Variants in PPP1R16B observed in about 807,000 individuals in gnomAD.
PPP1R16B encodes the protein protein phosphatase 1 regulatory inhibitor subunit 16B.
In PPP1R16B, 14 loss-of-function variants were observed where a neutral mutation model predicts 61.7. The ratio of observed to expected loss-of-function variants is 0.23; its 90% CI spans 0.15 to 0.35. The LOEUF is 0.35. Ranked by LOEUF, PPP1R16B falls within the 10% of genes least tolerant of loss-of-function variation. PPP1R16B has a pLI of 1.00. For missense variants in PPP1R16B, 547 were observed against 752.5 expected (o/e 0.73, Z 3.19); for synonymous variants, 266 against 305.3 (o/e 0.87, Z 1.34).
At chr20:38,894,588 C>T (rs930304440) in intron 3 of PPP1R16B, among the ~76,000 whole-genome samples, 9 of 152,242 alleles carry the variant, frequency 5.9e-5, no homozygotes, top group Admixed American at 3.9e-4. Flanking sequence ...GCACTGATGA[C>T]CAAGCCCCAA....
chr20:38,912,246 C>G (rs180738880), intron 10 of PPP1R16B, among the ~76,000 whole-genome samples: 280 of 152,044 alleles, frequency 1.8e-3, no homozygotes, highest in African/African-American at 6.4e-3. Context: ...ATTACAGGCA[C>G]CTGCCACCAT....
chr20:38,870,051 G>A (rs1378496857), intron 2 of PPP1R16B, among the ~76,000 whole-genome samples: 1 of 152,068 alleles, frequency 6.6e-6, no homozygotes, highest in Non-Finnish European at 1.5e-5. Flanking sequence ...AGCCTCCTGA[G>A]TAGCTGGGAT....
intron 1 of PPP1R16B, among the ~76,000 whole-genome samples, chr20:38,821,363 C>A (rs1284319485): frequency 6.6e-6 from 1 of 152,172 alleles, no homozygotes; most frequent in Non-Finnish European, 1.5e-5. Context: ...GCAAATGGCT[C>A]CACCAGAAGT....
chr20:38,900,676 C>T lies in PPP1R16B; in HGVS notation c.563C>T (p.Ala188Val). Reference sequence around the variant, plus strand: ...CTGGATGTCATCGAGACCTGCATGGCATACCAGGGTAAGGGAGGGCAGCCT... The same window carrying T: ...CTGGATGTCATCGAGACCTGCATGGTATACCAGGGTAAGGGAGGGCAGCCT... ...PTLDVIETCM[A>V]YQGITQEKIN... Residue 188 changes from alanine (A) to valine (V), a missense_variant, in exon 5 of 11, where the codon GCA becomes GTA. By Grantham distance (64) the Ala-to-Val change is moderately conservative. Transcript: ENST00000299824. 1.3e-6 allele frequency: 2 copies of T among 1,582,988 alleles called. No homozygotes were observed. Among genetic ancestry groups the T allele is most frequent in the Non-Finnish European group, 1.7e-6 (2 of 1,167,756 alleles).
Position 38,908,116 on chromosome 20 carries a change from G to A in PPP1R16B, c.1117G>A (p.Ala373Thr). The stretch of plus-strand genomic sequence containing the variant: ...AGAGGCCATCCTGTGGCAGCGGAGT[G>A]CAGCTGAGGATCAGCGGACCTCCAC... The part of the protein sequence containing the change: ...EGEAILWQRS[A>T]AEDQRTSTYN... Residue 373 changes from alanine (A) to threonine (T), a missense_variant, in exon 10 of 11, where the codon GCA becomes ACA. Ala to Thr is a moderately conservative substitution (Grantham distance 58, BLOSUM62 0). Coordinates refer to ENST00000299824, the MANE Select transcript of PPP1R16B (RefSeq NM_015568.4). The A allele has an allele frequency of 6.2e-7, 1 of 1,614,252 alleles. No homozygotes were observed. The highest frequency in any genetic ancestry group is 8.5e-7 in the Non-Finnish European group (1 of 1,180,038).
At chr20:38,886,673 G>A (rs2085247563) in intron 2 of PPP1R16B, among the ~76,000 whole-genome samples, 1 of 152,254 alleles carries the variant, frequency 6.6e-6, no homozygotes, top group Admixed American at 6.5e-5. Flanking sequence ...GTCTGTAGGA[G>A]ATGCCTGCGA....
chr20:38,902,981 G>A (rs2085408915), intron 6 of PPP1R16B, among the ~76,000 whole-genome samples, 189 bp downstream of exon 6: 2 of 152,206 alleles, frequency 1.3e-5, no homozygotes, highest in Non-Finnish European at 2.9e-5. Context: ...TTGAGAACCT[G>A]GCCTCTCTCT....
At chr20:38,891,914 A>C (rs542542222) in intron 3 of PPP1R16B, among the ~76,000 whole-genome samples, 1 of 152,290 alleles carries the variant, frequency 6.6e-6, no homozygotes, top group East Asian at 1.9e-4. Flanking sequence ...TCTGCAGTGC[A>C]CAGTACAATA....
intron 10 of PPP1R16B, among the ~76,000 whole-genome samples, chr20:38,911,763 C>T (rs1390789191): frequency 1.3e-5 from 2 of 151,994 alleles, no homozygotes; most frequent in African/African-American, 4.8e-5. Context: ...TCTTGAATTC[C>T]TGACCTCAAA....
chr20:38,850,646 T>C (rs1045393362), intron 2 of PPP1R16B, among the ~76,000 whole-genome samples: 1 of 152,200 alleles, frequency 6.6e-6, no homozygotes, highest in Non-Finnish European at 1.5e-5. Flanking sequence ...AACACAGTCA[T>C]AGGCCATTAT....
At chr20:38,874,030 G>T (rs1233733474) in intron 2 of PPP1R16B, among the ~76,000 whole-genome samples, 1 of 152,152 alleles carries the variant, frequency 6.6e-6, no homozygotes, top group African/African-American at 2.4e-5. Context: ...TGCCTGGCCA[G>T]CTGAAACATC....
chr20:38,913,081 G>C (rs2085505358), intron 10 of PPP1R16B, among the ~76,000 whole-genome samples: 1 of 151,732 alleles, frequency 6.6e-6, no homozygotes, highest in Non-Finnish European at 1.5e-5. Context: ...ATGTTGGCCA[G>C]GCTGGTCTCG....
chr20:38,821,215 T>C (rs951965556), intron 1 of PPP1R16B, among the ~76,000 whole-genome samples: 1 of 152,198 alleles, frequency 6.6e-6, no homozygotes, highest in Admixed American at 6.5e-5. Context: ...GTTGTAATGG[T>C]GAGTGCCTCC....
At chr20:38,912,096 CTT>C (rs35770847) in intron 10 of PPP1R16B, among the ~76,000 whole-genome samples, 1,508 of 127,338 alleles carry the variant, frequency 0.012, 19 homozygotes, top group African/African-American at 0.042. Flanking sequence ...TATAGTCAGT[CTT>C]TTTTTTTTTT....
chr20:38,832,569 G>A (rs992331936), intron 1 of PPP1R16B, among the ~76,000 whole-genome samples: 1 of 152,196 alleles, frequency 6.6e-6, no homozygotes, highest in Admixed American at 6.5e-5. Flanking sequence ...ACACATTGCT[G>A]GAGGGTATGA....
intron 2 of PPP1R16B, among the ~76,000 whole-genome samples, chr20:38,842,266 G>C (rs957341838): frequency 6.6e-6 from 1 of 152,168 alleles, no homozygotes; most frequent in African/African-American, 2.4e-5. Flanking sequence ...GTTTGTTTTG[G>C]CCTTAGGCAT....
chr20:38,806,643 C>T lies in PPP1R16B; in HGVS notation c.-102+851C>T, dbSNP rs973216943. Among the ~76,000 whole-genome samples, 2 of 152,272 alleles carry T rather than the reference C, an allele frequency of 1.3e-5. No homozygotes were observed. Reference sequence around the variant, plus strand: ...CCCAGGCTGAGCTGCCCAGACCGCCCCGGGTGGAGAGCCGGGAGGCAGGCG... The same window carrying T: ...CCCAGGCTGAGCTGCCCAGACCGCCTCGGGTGGAGAGCCGGGAGGCAGGCG... On this transcript the variant is annotated intron_variant, in intron 1 of 10. Coordinates refer to ENST00000299824, the MANE Select transcript of PPP1R16B (RefSeq NM_015568.4). This position sits in a 1 kb window ranked among gnomAD's most constrained non-coding sequence, Gnocchi z 4.5.
intron 3 of PPP1R16B, among the ~76,000 whole-genome samples, chr20:38,892,013 A>G (rs527793494): frequency 9.2e-5 from 14 of 152,292 alleles, no homozygotes; most frequent in African/African-American, 3.4e-4. Flanking sequence ...ATTTTACTGG[A>G]TTTAAAGAAA....
chr20:38,819,690 G>A (rs1371838957), intron 1 of PPP1R16B, among the ~76,000 whole-genome samples: 4 of 152,036 alleles, frequency 2.6e-5, no homozygotes, highest in African/African-American at 9.7e-5. Flanking sequence ...GTGCACATGA[G>A]ACCCACCTGG....
Sources: gnomAD v4.1 joint callset for allele counts (sites outside exome capture counted in the v4.1 genomes callset) on GRCh38, gnomAD v4.1.1 for gene constraint, Gnocchi (gnomAD v3.1) non-coding constraint, MANE v1.5 for transcripts, NCBI Gene and HGNC (gene_info 2026-07-23, HGNC 2026-07-21) for gene names.